SNX29: variants seen among roughly 807,000 people sequenced by gnomAD.
The protein encoded by SNX29 is sorting nexin-29.
In SNX29, 78 loss-of-function variants were observed where a neutral mutation model predicts 102.1. The ratio of observed to expected loss-of-function variants is 0.76; its 90% CI spans 0.64 to 0.92. SNX29 has a LOEUF of 0.92. SNX29 is among the 40% of genes least tolerant of loss of function. SNX29 has a pLI of 0.00. For synonymous variants in SNX29, 580 were observed against 414.5 expected (o/e 1.40, Z -4.85); for missense variants, 1,280 against 1,061.7 (o/e 1.21, Z -2.86).
At chr16:12,145,505 C>T (rs2055031365) in intron 13 of SNX29, among the ~76,000 whole-genome samples, 3 of 152,062 alleles carry the variant, frequency 2.0e-5, no homozygotes, top group Admixed American at 2.0e-4. Flanking sequence ...GTATTTTTCC[C>T]CCCTGCATAT....
Position 12,078,925 on chromosome 16 carries a change from T to C in SNX29, c.1402+10T>C. ...GAGTCCATGACAATTAGTAAGTACT[T>C]TCGCAGCCCCCTCCACCAGCTCTGG... On this transcript the variant is annotated intron_variant, in intron 11 of 20. Transcript: ENST00000566228. 2 of 1,590,566 alleles carry C rather than the reference T, an allele frequency of 1.3e-6. No individual in the cohort carries two copies. Among genetic ancestry groups the C allele is most frequent in the East Asian group, 2.3e-5 (1 of 44,028 alleles).
chr16:12,131,215 A>G (rs1336670223), intron 13 of SNX29, among the ~76,000 whole-genome samples: 1 of 152,236 alleles, frequency 6.6e-6, no homozygotes, highest in Non-Finnish European at 1.5e-5. Context: ...GTGCTGGCAG[A>G]AAATTTTTCA....
At chr16:12,551,273 C>T (rs186297959) in intron 20 of SNX29, among the ~76,000 whole-genome samples, 26 of 152,204 alleles carry the variant, frequency 1.7e-4, no homozygotes, top group African/African-American at 2.7e-4. Context: ...GTTCAGACAC[C>T]GTCAAATGTT....
intron 13 of SNX29, among the ~76,000 whole-genome samples, chr16:12,172,646 A>G (rs531117494): frequency 6.6e-6 from 1 of 152,330 alleles, no homozygotes; most frequent in East Asian, 1.9e-4. Context: ...ATACTGCCTG[A>G]CAGATATTAA....
intron 18 of SNX29, among the ~76,000 whole-genome samples, chr16:12,463,387 A>C (rs760452417): frequency 6.6e-6 from 1 of 152,238 alleles, no homozygotes; most frequent in African/African-American, 2.4e-5. Flanking sequence ...ACAGTTCCAC[A>C]TGGCTAAGGA....
intron 15 of SNX29, among the ~76,000 whole-genome samples, chr16:12,300,798 C>T (rs556778553): frequency 9.7e-4 from 148 of 152,278 alleles, no homozygotes; most frequent in African/African-American, 3.4e-3. Context: ...CTGTGGGAGG[C>T]TGTTCCGCAT....
At chr16:12,197,184 C>G (rs1336589520) in intron 13 of SNX29, among the ~76,000 whole-genome samples, 2 of 152,170 alleles carry the variant, frequency 1.3e-5, no homozygotes, top group Non-Finnish European at 2.9e-5. Context: ...CTTTCTTTCC[C>G]TGATTTTAAG....
At position 12,098,905 on chromosome 16, in the gene SNX29, C is replaced by G. The variant is rs1467411684; in HGVS notation, c.1402+19990C>G. Among the ~76,000 whole-genome samples the G allele has an allele frequency of 6.6e-6, 1 of 152,314 alleles. No individual in the cohort carries two copies. The highest frequency in any genetic ancestry group is 2.1e-4 in the South Asian group (1 of 4,826). On this transcript the variant is annotated intron_variant, in intron 11 of 20. Transcript: ENST00000566228. The surrounding 1 kb of genome is among the most constrained non-coding windows in gnomAD (Gnocchi z 6.0). ...TCTGAGAGAACCCACAGGAGCTGAG[C>G]TGAGGAAGAGCGCCTCCTGTCTGGC...
At chr16:12,087,475 T>C (rs932968543) in intron 11 of SNX29, 1 of 228,634 alleles carries the variant, frequency 4.4e-6, no homozygotes, top group Non-Finnish European at 8.8e-6. Flanking sequence ...CACATGTCTG[T>C]GGACTCAGCT....
intron 13 of SNX29, among the ~76,000 whole-genome samples, chr16:12,130,571 G>A (rs2054421239): frequency 6.6e-6 from 1 of 151,170 alleles, no homozygotes; most frequent in East Asian, 1.9e-4. Flanking sequence ...ATATATGCAC[G>A]TGGTTCAAAA....
At position 12,572,401 on chromosome 16, in the gene SNX29, C is replaced by A; in HGVS notation, c.*3772C>A. The A allele has an allele frequency of 2.8e-6, 3 of 1,063,478 alleles. No homozygotes were observed. Among genetic ancestry groups the A allele is most frequent in the Non-Finnish European group, 3.4e-6 (3 of 878,106 alleles). The allele number at this position is 1,063,478 out of a possible 1,614,324, so 65.9% of individuals were successfully genotyped here. On this transcript the variant is annotated 3_prime_UTR_variant, in exon 21 of 21. Transcript: ENST00000566228. ...CGGCTTATATCCCAACAGCCTGAGG[C>A]AGGGCTCTGTGGCCCAGGCCGGCAG...
intron 20 of SNX29, among the ~76,000 whole-genome samples, chr16:12,530,721 A>C (rs1353427195): frequency 6.6e-6 from 1 of 151,940 alleles, no homozygotes; most frequent in African/African-American, 2.4e-5. Flanking sequence ...ATGCCCAGCT[A>C]ATTTTTGTAT....
chr16:12,221,566 A>T (rs999264129), intron 14 of SNX29, among the ~76,000 whole-genome samples: 3 of 152,224 alleles, frequency 2.0e-5, no homozygotes, highest in African/African-American at 7.2e-5. Flanking sequence ...GTAAGCCAAG[A>T]TGGCGCCACT....
At chr16:12,114,610 G>A (rs2053621665) in intron 11 of SNX29, among the ~76,000 whole-genome samples, 1 of 151,180 alleles carries the variant, frequency 6.6e-6, no homozygotes, top group African/African-American at 2.4e-5. Flanking sequence ...TTCTTGAGAC[G>A]GAGTTTTGCT....
intron 20 of SNX29, among the ~76,000 whole-genome samples, chr16:12,529,216 TC>T (rs2076866720): frequency 6.6e-6 from 1 of 152,138 alleles, no homozygotes; most frequent in Non-Finnish European, 1.5e-5. Flanking sequence ...ACTCTGTATA[TC>T]AGTGTGGCCC....
rs2079198512 is a variant in SNX29 at position 12,572,021 on chromosome 16, T to C, written c.*3392T>C. On this transcript the variant is annotated 3_prime_UTR_variant, in exon 21 of 21. Transcript: ENST00000566228. Reference sequence around the variant, plus strand: ...GTTGCATCTAGGGAGCTGCTGGCTATAAAAGGGATCATCCAGTGGAGTTGT... The same window carrying C: ...GTTGCATCTAGGGAGCTGCTGGCTACAAAAGGGATCATCCAGTGGAGTTGT... 1 of 1,062,500 alleles carries C rather than the reference T, an allele frequency of 9.4e-7. No homozygotes were observed. The highest frequency in any genetic ancestry group is 1.1e-6 in the Non-Finnish European group (1 of 877,546). The allele number at this position is 1,062,500 out of a possible 1,614,324, so 65.8% of individuals were successfully genotyped here.
intron 20 of SNX29, among the ~76,000 whole-genome samples, chr16:12,544,930 C>T (rs543255352): frequency 1.3e-5 from 2 of 152,186 alleles, no homozygotes; most frequent in Non-Finnish European, 2.9e-5. Context: ...TATCATCATC[C>T]CTTGTTCACT....
In SNX29 at chr16:11,989,012, G is replaced by A. The variant is rs138252123; in HGVS notation, c.8-10285G>A. On this transcript the variant is annotated intron_variant, in intron 1 of 20. Transcript: ENST00000566228. ...TTTTGAGATGGAGTCACACTCTGTCGCCCAGGCTGGAGTGTAGTGGTGTAA... is the reference window on the plus strand; with the variant it reads ...TTTTGAGATGGAGTCACACTCTGTCACCCAGGCTGGAGTGTAGTGGTGTAA... Among the ~76,000 whole-genome samples the A allele has an allele frequency of 2.3e-3, 355 of 151,564 alleles. 2 individuals carry two copies. Among genetic ancestry groups the A allele is most frequent in the Admixed American group, 0.013 (193 of 15,196 alleles).
intron 1 of SNX29, among the ~76,000 whole-genome samples, chr16:11,984,631 C>CCTCTCTCT (rs1248117981): frequency 1.3e-5 from 2 of 151,690 alleles, no homozygotes; most frequent in African/African-American, 2.4e-5. Context: ...TCCCTCTCTC[C>CCTCTCTCT]CTCTCTCTCT....
Sources: gnomAD v4.1 joint callset for allele counts (sites outside exome capture counted in the v4.1 genomes callset) on GRCh38, gnomAD v4.1.1 for gene constraint, Gnocchi (gnomAD v3.1) non-coding constraint, MANE v1.5 for transcripts, NCBI Gene and HGNC (gene_info 2026-07-23, HGNC 2026-07-21) for gene names.